The following DAAM1 variants were observed in gnomAD, a reference collection of about 807,000 sequenced individuals.
DAAM1 encodes dishevelled associated activator of morphogenesis 1, also known as disheveled-associated activator of morphogenesis 1.
Under a neutral mutation model 130.0 loss-of-function variants are expected in DAAM1, and 52 were observed. The ratio of observed to expected loss-of-function variants is 0.40; its 90% confidence interval spans 0.32 to 0.50. The LOEUF is 0.50. DAAM1 is among the 20% of genes least tolerant of loss of function. The pLI is 0.61. For missense variants in DAAM1, 1,134 were observed against 1,303.8 expected, an observed-to-expected ratio of 0.87 and a Z score of 2.01; for synonymous variants, 452 against 444.5, an observed-to-expected ratio of 1.02 and a Z score of -0.21.
At chr14:59,325,912 A>G (rs1885186317) in intron 9 of DAAM1, 48 bp from the exon 10 acceptor site, 2 of 1,579,866 alleles carry the variant, frequency 1.3e-6, no homozygotes, top group East Asian at 2.2e-5. Context: ...CACTGGGGAA[A>G]CTGAGGAACT....
At chr14:59,219,311 T>G (rs941549486) in intron 1 of DAAM1, among the ~76,000 whole-genome samples, 1 of 152,200 alleles carries the variant, frequency 6.6e-6, no homozygotes, top group African/African-American at 2.4e-5. Flanking sequence ...TTTTTCTTTT[T>G]TTTAAATAGT....
At chr14:59,196,611 C>T (rs1451734516) in intron 1 of DAAM1, among the ~76,000 whole-genome samples, 3 of 152,092 alleles carry the variant, frequency 2.0e-5, no homozygotes, top group East Asian at 3.9e-4. Flanking sequence ...GGCGTGGTGG[C>T]GGGCGCCTGT....
chr14:59,195,973 A>C (rs1887877479), intron 1 of DAAM1, among the ~76,000 whole-genome samples: 1 of 152,130 alleles, frequency 6.6e-6, no homozygotes, highest in Admixed American at 6.5e-5. Flanking sequence ...TAAGGGCAAA[A>C]AAAGGTGCCA....
chr14:59,215,051 A>G (rs1888535480), intron 1 of DAAM1, among the ~76,000 whole-genome samples: 3 of 152,194 alleles, frequency 2.0e-5, no homozygotes, highest in Admixed American at 6.5e-5. Flanking sequence ...TCTTGTCTTC[A>G]TAGATGAGGG....
intron 1 of DAAM1, among the ~76,000 whole-genome samples, chr14:59,229,791 C>A (rs1325940923): frequency 6.6e-6 from 1 of 152,176 alleles, no homozygotes; most frequent in Non-Finnish European, 1.5e-5. Flanking sequence ...TTTTAGCAAG[C>A]CCTCAGAGGC....
intron 17 of DAAM1, among the ~76,000 whole-genome samples, chr14:59,350,290 C>G (rs538477205): frequency 5.3e-5 from 8 of 152,030 alleles, no homozygotes; most frequent in African/African-American, 1.9e-4. Flanking sequence ...TTGACTGCCC[C>G]CTTCTCTATA....
At chr14:59,293,460 T>C (rs937360113) in intron 3 of DAAM1, among the ~76,000 whole-genome samples, 10 of 152,188 alleles carry the variant, frequency 6.6e-5, no homozygotes, top group African/African-American at 2.4e-4. Flanking sequence ...AGGATGGATA[T>C]GGATGTGGTC....
intron 1 of DAAM1, among the ~76,000 whole-genome samples, chr14:59,200,994 C>T (rs964371997): frequency 6.6e-6 from 1 of 151,386 alleles, no homozygotes; most frequent in African/African-American, 2.4e-5. Flanking sequence ...ATCCTGTCTC[C>T]ACTAAAAATA....
In DAAM1 at chr14:59,237,256, C is replaced by G. The variant is rs568991345; in HGVS notation, c.-37-26185C>G. On this transcript the variant is annotated intron_variant, in intron 1 of 24. Transcript: ENST00000360909. ...GTCAGAATAGAATGTATAGTGAAAA[C>G]TATTTGTAGCATGATGGAGATAGAA... Among the ~76,000 whole-genome samples the G allele has an allele frequency of 1.6e-4, 24 of 152,234 alleles. 1 individual carries two copies. The South Asian group carries it at 4.8e-3, about 30-fold the overall frequency.
chr14:59,198,150 G>A (rs1209268737), intron 1 of DAAM1, among the ~76,000 whole-genome samples: 1 of 151,610 alleles, frequency 6.6e-6, no homozygotes, highest in Non-Finnish European at 1.5e-5. Flanking sequence ...TTCACATTGG[G>A]GCTTCCTTCT....
rs531061457 is a variant in DAAM1, at chr14:59,257,665, G to C, written c.-37-5776G>C. Among the ~76,000 whole-genome samples, 3 of 152,244 alleles carry C rather than the reference G, an allele frequency of 2.0e-5. No individual in the cohort carries two copies. The East Asian group carries it at 5.8e-4, about 29-fold the overall frequency. The stretch of plus-strand genomic sequence containing the variant: ...TGGGCCGGAAAATAAAGTTGGCAAG[G>C]GTCAGGGCAGAGACCTCCTTCCAGC... On this transcript the variant is annotated intron_variant, in intron 1 of 24. Coordinates refer to ENST00000360909, the MANE Select transcript of DAAM1 (RefSeq NM_001270520.2).
At chr14:59,279,433 C>T (rs1267107676) in intron 2 of DAAM1, among the ~76,000 whole-genome samples, 1 of 152,052 alleles carries the variant, frequency 6.6e-6, no homozygotes, top group Non-Finnish European at 1.5e-5. Flanking sequence ...GTTTTGTATC[C>T]ATTATTTTTT....
Position 59,263,773 on chromosome 14 carries a change from GC to G in DAAM1, c.183+118del, listed in dbSNP as rs925881684. 47 of 1,336,704 alleles carry G rather than the reference GC, an allele frequency of 3.5e-5. 1 individual carries two copies. The highest frequency in any genetic ancestry group is 2.9e-4 in the African/African-American group (20 of 69,200). 82.8% of individuals were successfully genotyped at this position (1,336,704 alleles called of 1,614,324 possible). On this transcript the variant is annotated intron_variant, in intron 2 of 24. Transcript: ENST00000360909. ...TGGACTTTTCCTTTTCAGTGAAATG[GC>G]CCCCATTCACCTTTATGTCTGCACC... is the stretch of plus-strand genomic sequence containing the variant.
intron 1 of DAAM1, among the ~76,000 whole-genome samples, chr14:59,227,259 G>C (rs1050166408): frequency 3.9e-5 from 6 of 152,156 alleles, no homozygotes; most frequent in African/African-American, 1.4e-4. Flanking sequence ...GTGTGAACAA[G>C]GATGGTGTGG....
At chr14:59,250,726 A>T (rs888274530) in intron 1 of DAAM1, among the ~76,000 whole-genome samples, 4 of 152,252 alleles carry the variant, frequency 2.6e-5, no homozygotes, top group African/African-American at 9.6e-5. Flanking sequence ...GTGCGTGCTA[A>T]GCACTTGGTT....
chr14:59,368,498 A>T, intron 24 of DAAM1, 152 bp from the exon 25 acceptor site: 1 of 772,086 alleles, frequency 1.3e-6, no homozygotes, highest in Non-Finnish European at 2.0e-6. Context: ...CCATGTTCCA[A>T]TTCCCCCTTT....
At chr14:59,330,415 A>G (rs1020792749) in intron 12 of DAAM1, 86 bp from the exon 13 acceptor site, 6 of 1,278,080 alleles carry the variant, frequency 4.7e-6, no homozygotes, top group Admixed American at 5.1e-5. Context: ...AATCTCTGCC[A>G]TCATCCTCAG....
chr14:59,202,740 T>C (rs1888145922), intron 1 of DAAM1, among the ~76,000 whole-genome samples: 1 of 152,220 alleles, frequency 6.6e-6, no homozygotes, highest in African/African-American at 2.4e-5. Flanking sequence ...GGTGCTTTCA[T>C]GTTTTGCTTA....
At chr14:59,275,743 A>G (rs1253241180) in intron 2 of DAAM1, among the ~76,000 whole-genome samples, 1 of 152,214 alleles carries the variant, frequency 6.6e-6, no homozygotes, top group Non-Finnish European at 1.5e-5. Context: ...AGTGTAAAAA[A>G]CACTTAACCA....
Sources: allele counts gnomAD v4.1 joint callset (sites outside exome capture counted in the v4.1 genomes callset), GRCh38; gene constraint gnomAD v4.1.1; transcripts MANE v1.5; gene names NCBI Gene and HGNC (gene_info 2026-07-23, HGNC 2026-07-21).